Variants in ZFAND2A observed in about 807,000 individuals in gnomAD.
ZFAND2A encodes the protein AN1-type zinc finger protein 2A.
ZFAND2A carries 20 observed loss-of-function variants against 11.6 expected under a neutral mutation model. The observed-to-expected ratio is 1.72, with a 90% CI of 1.21 to 2.50. The LOEUF (loss-of-function observed/expected upper bound fraction) is 2.50, where lower values mean the gene tolerates loss of function less well. ZFAND2A is among the 30% of genes most tolerant of loss of function. ZFAND2A has a pLI of 0.00. For missense variants in ZFAND2A, 234 were observed against 182.9 expected, an observed-to-expected ratio of 1.28 and a Z score of -1.61; for synonymous variants, 93 against 60.6, an observed-to-expected ratio of 1.54 and a Z score of -2.48.
At chr7:1,149,319 C>T (rs1793355770), downstream of ZFAND2A, among the ~76,000 whole-genome samples, 1 of 152,196 alleles carries the variant, frequency 6.6e-6, no homozygotes. Context: ...CCACAGCACA[C>T]GAGGCCAGAG....
intron 4 of ZFAND2A, among the ~76,000 whole-genome samples, 181 bp downstream of exon 4, chr7:1,155,272 A>G (rs1413502014): frequency 6.6e-6 from 1 of 152,216 alleles, no homozygotes; most frequent in African/African-American, 2.4e-5. Context: ...ATTAAAGAAC[A>G]TTTATAAAAC....
chr7:1,151,772 AAAGC>A (rs1271830465), downstream of ZFAND2A, among the ~76,000 whole-genome samples: 2 of 150,506 alleles, frequency 1.3e-5, no homozygotes, highest in African/African-American at 4.9e-5. Flanking sequence ...TAAAAAAAAA[AAAGC>A]AAAGCCAGCC....
intron 3 of ZFAND2A, chr7:1,157,386 A>G (rs1161181398): frequency 1.1e-5 from 3 of 284,232 alleles, no homozygotes; most frequent in Admixed American, 5.3e-5. Flanking sequence ...CTTGGAACAT[A>G]AGGTTACAAC....
At chr7:1,158,955 C>T (rs1293392984) in intron 1 of ZFAND2A, among the ~76,000 whole-genome samples, 1 of 152,152 alleles carries the variant, frequency 6.6e-6, no homozygotes, top group Non-Finnish European at 1.5e-5. Flanking sequence ...GGGCCTTTTC[C>T]TGACCTTCCC....
chr7:1,156,545 C>T (rs1036917265), intron 3 of ZFAND2A, among the ~76,000 whole-genome samples: 30 of 110,520 alleles, frequency 2.7e-4, no homozygotes, highest in Admixed American at 9.0e-4. Flanking sequence ...GACCGCCCAG[C>T]AGCTGAAGGC....
intron 4 of ZFAND2A, 47 bp from the exon 5 acceptor site, chr7:1,153,271 A>G (rs766164874): frequency 6.3e-7 from 1 of 1,591,856 alleles, no homozygotes; most frequent in African/African-American, 1.3e-5. Flanking sequence ...TTTTGGAGAC[A>G]GGGTCTCGCT....
At chr7:1,157,786 TG>T (rs766675317) in intron 2 of ZFAND2A, 36 bp from the exon 3 acceptor site, 24 of 1,449,978 alleles carry the variant, frequency 1.7e-5, no homozygotes, top group Admixed American at 9.4e-5. Context: ...TTTTAACGAC[TG>T]GAACAAAATA....
In ZFAND2A at chr7:1,157,759, CAAA is replaced by C. The variant is rs750720013; in HGVS notation, c.56-12_56-10del. The C allele has an allele frequency of 1.3e-6, 2 of 1,536,852 alleles. No individual in the cohort carries two copies. Among genetic ancestry groups the C allele is most frequent in the African/African-American group, 2.8e-5 (2 of 70,936 alleles). ...TTTTACTGGAAGAAAATCTAAAAAA[CAAA>C]AAACAGGGAAGTGTTTTAACGACTG... On this transcript the variant is annotated splice_polypyrimidine_tract_variant and intron_variant, in intron 2 of 4. Coordinates refer to ENST00000316495, the MANE Select transcript of ZFAND2A (RefSeq NM_182491.4).
chr7:1,155,749 C>T (rs1793511963), intron 3 of ZFAND2A, 165 bp from the exon 4 acceptor site: 2 of 813,276 alleles, frequency 2.5e-6, no homozygotes, highest in South Asian at 3.7e-5. Context: ...GGATTAGCGG[C>T]AGCCATCTCT....
downstream of ZFAND2A, chr7:1,152,328 C>T: frequency 6.3e-7 from 1 of 1,577,048 alleles, no homozygotes; most frequent in Non-Finnish European, 8.6e-7. Context: ...GATTCAGAGA[C>T]TGTCATGGGT....
Position 1,155,447 on chromosome 7 carries a change from C to T in ZFAND2A, c.282+6G>A, listed in dbSNP as rs1252214896. Reference sequence around the variant, plus strand: ...ATGAAGGAACTGAGGCGGGCTCTGTCCTTACCTTCTCTTTCTTCTTCCCAG... The same window carrying T: ...ATGAAGGAACTGAGGCGGGCTCTGTTCTTACCTTCTCTTTCTTCTTCCCAG... On this transcript the variant is annotated splice_donor_region_variant and intron_variant, in intron 4 of 4. Coordinates refer to ENST00000316495, the MANE Select transcript of ZFAND2A (RefSeq NM_182491.4). 7 of 1,612,456 alleles carry T rather than the reference C, an allele frequency of 4.3e-6. No homozygotes were observed. Among genetic ancestry groups the T allele is most frequent in the Non-Finnish European group, 5.1e-6 (6 of 1,179,364 alleles).
intron 3 of ZFAND2A, 184 bp downstream of exon 3, chr7:1,157,472 A>G: frequency 2.0e-6 from 1 of 509,376 alleles, no homozygotes. Flanking sequence ...CTGTGAGGGC[A>G]GACACGCTCC....
chr7:1,155,162 T>C (rs1793492621), intron 4 of ZFAND2A, among the ~76,000 whole-genome samples: 1 of 151,894 alleles, frequency 6.6e-6, no homozygotes, highest in Non-Finnish European at 1.5e-5. Flanking sequence ...GAAACGCACA[T>C]GAACAGAATG....
chr7:1,158,266 G>A lies in ZFAND2A; in HGVS notation c.-45-9C>T, dbSNP rs145317253. On this transcript the variant is annotated splice_polypyrimidine_tract_variant and intron_variant, in intron 1 of 4. Coordinates refer to ENST00000316495, the MANE Select transcript of ZFAND2A (RefSeq NM_182491.4). ...GCGGAGTTAAGTGTCACCTACAAGA[G>A]AATCAGAATAGTTAGGAGGAAAGCT... 6.5e-7 allele frequency: 1 copy of A among 1,538,762 alleles called. No individual in the cohort carries two copies. Among genetic ancestry groups the A allele is most frequent in the Non-Finnish European group, 9.0e-7 (1 of 1,114,586 alleles).
downstream of ZFAND2A, chr7:1,152,865 G>A: frequency 1.2e-6 from 1 of 802,430 alleles, no homozygotes; most frequent in Non-Finnish European, 2.1e-6. Flanking sequence ...CCAGTTTTTA[G>A]TACTTGGTGA....
Position 1,153,127 on chromosome 7 carries a change from CTG to C in ZFAND2A, c.378_379del (p.His126GlnfsTer33), listed in dbSNP as rs761468695. The C allele has an allele frequency of 3.1e-6, 5 of 1,614,216 alleles. No homozygotes were observed. In the South Asian group the frequency reaches 5.5e-5, roughly 18 times the overall value. Reference sequence around the variant, plus strand: ...TCTGCAGCTGTGGTCCAAAGGGTGTCTGTGCTGGATACAGAAGTTGCCGTGAC... The same window carrying C: ...TCTGCAGCTGTGGTCCAAAGGGTGTCTGCTGGATACAGAAGTTGCCGTGAC... On this transcript the variant is annotated frameshift_variant, in exon 5 of 5. Transcript: ENST00000316495. LOFTEE classifies it low-confidence loss of function (END_TRUNC).
At chr7:1,157,338 A>AGCTATGGTGTAACG (rs1793551986) in intron 3 of ZFAND2A, 1 of 200,334 alleles carries the variant, frequency 5.0e-6, no homozygotes, top group Non-Finnish European at 1.0e-5. Context: ...ATGGTGTAAC[A>AGCTATGGTGTAACG]GATCAAAGGA....
Position 1,157,728 on chromosome 7 carries a change from A to G in ZFAND2A, c.78T>C (p.Asp26=). 6.4e-7 allele frequency: 1 copy of G among 1,558,922 alleles called. No individual in the cohort carries two copies. The highest frequency in any genetic ancestry group is 8.6e-7 in the Non-Finnish European group (1 of 1,156,472). ...KQLDFLPVKC[D]ACKQDFCKDH... ...CTTTACAGAAATCTTGTTTACATGC[A>G]TCACATTTTACTGGAAGAAAATCTA... Residue 26 remains aspartate (D), a synonymous_variant, in exon 3 of 5, where the codon GAT becomes GAC. Coordinates refer to ENST00000316495, the MANE Select transcript of ZFAND2A (RefSeq NM_182491.4).
At chr7:1,153,573 T>C (rs757951832) in intron 4 of ZFAND2A, among the ~76,000 whole-genome samples, 11 of 152,124 alleles carry the variant, frequency 7.2e-5, no homozygotes, top group Non-Finnish European at 1.0e-4. Context: ...GTAAGAACAT[T>C]CCCATTTAAA....
Sources: allele counts gnomAD v4.1 joint callset (sites outside exome capture counted in the v4.1 genomes callset), GRCh38; gene constraint gnomAD v4.1.1; transcripts MANE v1.5; gene names NCBI Gene and HGNC (gene_info 2026-07-23, HGNC 2026-07-21).